The following PIBF1 variants were observed in gnomAD, a reference collection of about 807,000 sequenced individuals.
The protein encoded by PIBF1 is progesterone immunomodulatory binding factor 1.
Under a neutral mutation model 112.5 loss-of-function variants are expected in PIBF1, and 90 were observed. That is an observed-to-expected ratio of 0.80 (90% confidence interval 0.67 to 0.95). The LOEUF (loss-of-function observed/expected upper bound fraction) is 0.95. PIBF1 is among the 40% of genes least tolerant of loss of function. PIBF1 has a pLI of 0.00. For missense variants in PIBF1, 915 were observed against 852.3 expected (o/e 1.07, Z -0.92); for synonymous variants, 301 against 288.6 (o/e 1.04, Z -0.44).
chr13:72,836,710 TAAG>T (rs950771577), intron 9 of PIBF1, among the ~76,000 whole-genome samples: 2 of 152,086 alleles, frequency 1.3e-5, no homozygotes, highest in Non-Finnish European at 2.9e-5. Context: ...TTTGTGGTAA[TAAG>T]AGAGTAGATA....
chr13:72,873,642 C>T (rs1363936051), intron 10 of PIBF1, among the ~76,000 whole-genome samples: 1 of 152,086 alleles, frequency 6.6e-6, no homozygotes, highest in Non-Finnish European at 1.5e-5. Flanking sequence ...CTCCACCCAC[C>T]TTAGCCTCCC....
chr13:72,909,374 A>G (rs1191157829), intron 12 of PIBF1, among the ~76,000 whole-genome samples: 2 of 152,248 alleles, frequency 1.3e-5, no homozygotes, highest in Non-Finnish European at 2.9e-5. Context: ...GATAAATGCT[A>G]TAAGCAAAAA....
chr13:72,789,821 G>C (rs2034803523), intron 2 of PIBF1, among the ~76,000 whole-genome samples: 1 of 151,892 alleles, frequency 6.6e-6, no homozygotes, highest in South Asian at 2.1e-4. Flanking sequence ...CATTTCCTTT[G>C]AGTGTCATAG....
At chr13:72,836,466 G>GA (rs959465340) in intron 9 of PIBF1, among the ~76,000 whole-genome samples, 4 of 151,518 alleles carry the variant, frequency 2.6e-5, no homozygotes, top group East Asian at 3.9e-4. Flanking sequence ...TCAATTCCAG[G>GA]AAAAAAAAGC....
At chr13:72,943,576 A>G in intron 14 of PIBF1, among the ~76,000 whole-genome samples, 2 of 152,190 alleles carry the variant, frequency 1.3e-5, no homozygotes, top group South Asian at 2.1e-4. Flanking sequence ...CCTACAAGAC[A>G]ATGTCCAGAT....
intron 10 of PIBF1, among the ~76,000 whole-genome samples, chr13:72,860,321 G>GC (rs2038637904): frequency 1.4e-5 from 2 of 142,920 alleles, no homozygotes; most frequent in Admixed American, 6.9e-5. Flanking sequence ...GTGTGTGTGT[G>GC]TGTGTGTGTG....
intron 9 of PIBF1, among the ~76,000 whole-genome samples, chr13:72,853,551 CCTGT>C (rs1435365729): frequency 2.6e-5 from 4 of 152,156 alleles, no homozygotes; most frequent in Admixed American, 2.6e-4. Flanking sequence ...TCTACTTTCT[CCTGT>C]CTGTCAACCT....
chr13:72,908,284 T>A (rs995132779), intron 11 of PIBF1, among the ~76,000 whole-genome samples: 8 of 152,190 alleles, frequency 5.3e-5, no homozygotes, highest in Non-Finnish European at 1.2e-4. Flanking sequence ...TTCCTAATTT[T>A]AAATTCATTT....
chr13:72,959,115 C>T (rs1444765228), intron 14 of PIBF1, among the ~76,000 whole-genome samples: 2 of 152,176 alleles, frequency 1.3e-5, no homozygotes, highest in Non-Finnish European at 2.9e-5. Context: ...TGTGCCTCAG[C>T]CTCCCAAGAA....
At chr13:72,899,283 C>G (rs1194576174) in intron 11 of PIBF1, among the ~76,000 whole-genome samples, 2 of 152,092 alleles carry the variant, frequency 1.3e-5, no homozygotes, top group African/African-American at 4.8e-5. Context: ...ATAAAGCCAG[C>G]ATCACCCTAA....
At chr13:72,981,066 G>A (rs1269749621) in intron 16 of PIBF1, among the ~76,000 whole-genome samples, 1 of 151,532 alleles carries the variant, frequency 6.6e-6, no homozygotes, top group Admixed American at 6.6e-5. Flanking sequence ...CCAACATGGT[G>A]AAACCCTGTC....
At position 72,851,287 on chromosome 13, in the gene PIBF1, C is replaced by T. The variant is rs79429750; in HGVS notation, c.1224-2770C>T. 6.9e-3 allele frequency among the ~76,000 whole-genome samples: 1,054 copies of T among 152,324 alleles called. 15 individuals are homozygous for T. The highest frequency in any genetic ancestry group is 0.024 in the African/African-American group (1,017 of 41,572). On this transcript the variant is annotated intron_variant, in intron 9 of 17. Transcript: ENST00000326291. ...CTCACTATCTTCGGCCTAGGGAGCC[C>T]CCTTCCCCCACGGGTTCAGAAATGC... is the stretch of plus-strand genomic sequence containing the variant.
intron 8 of PIBF1, among the ~76,000 whole-genome samples, chr13:72,833,102 G>A (rs901064967): frequency 6.6e-6 from 1 of 152,128 alleles, no homozygotes; most frequent in African/African-American, 2.4e-5. Context: ...CTCATGCTGT[G>A]TTTTTCAGCT....
At chr13:72,915,585 A>G (rs1403025894) in intron 12 of PIBF1, among the ~76,000 whole-genome samples, 1 of 152,192 alleles carries the variant, frequency 6.6e-6, no homozygotes, top group Non-Finnish European at 1.5e-5. Flanking sequence ...TATTAAGGAG[A>G]AACAAGAGTC....
At chr13:72,928,030 T>TATATATACATATATACATATATATAC (rs1566458750) in intron 13 of PIBF1, among the ~76,000 whole-genome samples, 35 of 108,880 alleles carry the variant, frequency 3.2e-4, no homozygotes, top group South Asian at 7.8e-4. Context: ...TATATACATA[T>TATATATACATATATACATATATATAC]ATATATATAT....
intron 10 of PIBF1, among the ~76,000 whole-genome samples, chr13:72,857,945 A>C (rs1286556923): frequency 6.6e-6 from 1 of 152,140 alleles, no homozygotes; most frequent in Non-Finnish European, 1.5e-5. Flanking sequence ...AGGCAATCTT[A>C]ACATTAGTGG....
chr13:72,897,615 G>T (rs944491742), intron 11 of PIBF1, among the ~76,000 whole-genome samples: 2 of 152,088 alleles, frequency 1.3e-5, no homozygotes, highest in Non-Finnish European at 2.9e-5. Context: ...TAAAGGGGTG[G>T]AAAAAGGCAT....
rs764341889 is a variant in PIBF1 at position 72,792,517 on chromosome 13, A to G, written c.323A>G (p.Asn108Ser). The change falls in exon 3 of 18, where the codon AAC (asparagine) becomes AGC (serine). Residue 108 changes from asparagine (N) to serine (S), a missense_variant. By Grantham distance (46) the Asn-to-Ser change is conservative. Coordinates refer to ENST00000326291, the MANE Select transcript of PIBF1 (RefSeq NM_006346.4). Reference protein sequence around the residue: ...QKQLLTLRLDNQLAFQQKDAS... With the variant: ...QKQLLTLRLDSQLAFQQKDAS... Reference sequence around the variant, plus strand: ...CAGCTACTAACATTGAGATTAGACAACCAATTGGCTTTTCAACAGAAAGAT... The same window carrying G: ...CAGCTACTAACATTGAGATTAGACAGCCAATTGGCTTTTCAACAGAAAGAT... 2.6e-6 allele frequency: 4 copies of G among 1,564,376 alleles called. No individual in the cohort carries two copies. The highest frequency in any genetic ancestry group is 1.2e-5 in the South Asian group (1 of 81,060).
At chr13:72,919,018 CTTGT>C (rs1397940661) in intron 13 of PIBF1, among the ~76,000 whole-genome samples, 1 of 152,122 alleles carries the variant, frequency 6.6e-6, no homozygotes, top group Non-Finnish European at 1.5e-5. Context: ...ACATCTTATT[CTTGT>C]TTATTTTTCA....
Sources: allele counts gnomAD v4.1 joint callset (sites outside exome capture counted in the v4.1 genomes callset), GRCh38; gene constraint gnomAD v4.1.1; transcripts MANE v1.5; gene names NCBI Gene and HGNC (gene_info 2026-07-23, HGNC 2026-07-21).